Variants in KCNN3 observed in about 807,000 individuals in gnomAD.
The protein encoded by KCNN3 is potassium calcium-activated channel subfamily N member 3.
In KCNN3, 16 loss-of-function variants were observed where a neutral mutation model predicts 62.9. That is an observed-to-expected ratio of 0.25 (90% confidence interval 0.17 to 0.39). The LOEUF is 0.39. Among genes scored for constraint, KCNN3 ranks in the 10% least tolerant of loss-of-function variants. KCNN3 has a pLI of 1.00. For synonymous variants in KCNN3, 370 were observed against 389.2 expected, an observed-to-expected ratio of 0.95 and a Z score of 0.58; for missense variants, 599 against 949.4, an observed-to-expected ratio of 0.63 and a Z score of 4.85.
intron 7 of KCNN3, among the ~76,000 whole-genome samples, chr1:154,710,696 A>G (rs1700056071): frequency 1.3e-5 from 2 of 152,196 alleles, no homozygotes; most frequent in South Asian, 2.1e-4. Flanking sequence ...ATGAACAGAC[A>G]CTTCTCAAAA....
At chr1:154,714,193 G>GGT (rs1304833279) in intron 6 of KCNN3, among the ~76,000 whole-genome samples, 9 of 116,576 alleles carry the variant, frequency 7.7e-5, no homozygotes, top group East Asian at 2.7e-4. Flanking sequence ...GTGTGTGTGT[G>GGT]GTGTGTGTGT....
At chr1:154,745,906 C>T (rs1174366441) in intron 3 of KCNN3, among the ~76,000 whole-genome samples, 3 of 152,090 alleles carry the variant, frequency 2.0e-5, no homozygotes, top group African/African-American at 4.8e-5. Flanking sequence ...CTGGAGATGG[C>T]GTGGCAGAGA....
intron 3 of KCNN3, among the ~76,000 whole-genome samples, chr1:154,767,998 A>G (rs1244844521): frequency 6.6e-6 from 1 of 152,240 alleles, no homozygotes. Context: ...TGTGTATACA[A>G]CTAGAGATAA....
intron 4 of KCNN3, among the ~76,000 whole-genome samples, chr1:154,729,278 G>A (rs1700540612): frequency 6.6e-6 from 1 of 152,240 alleles, no homozygotes; most frequent in East Asian, 1.9e-4. Flanking sequence ...TGAACCACAG[G>A]GGACATCAAC....
chr1:154,867,706 C>T (rs1292571102), intron 1 of KCNN3, among the ~76,000 whole-genome samples: 2 of 150,288 alleles, frequency 1.3e-5, no homozygotes, highest in African/African-American at 2.5e-5. Flanking sequence ...ACCCGATGGC[C>T]AGCCCGCCCA....
In KCNN3 at chr1:154,774,030, C is replaced by T. The variant is rs568378264; in HGVS notation, c.1030-1637G>A. Among the ~76,000 whole-genome samples, 13 of 152,264 alleles carry T rather than the reference C, an allele frequency of 8.5e-5. No homozygotes were observed. The South Asian group carries it at 2.7e-3, about 32-fold the overall frequency. The stretch of plus-strand genomic sequence containing the variant: ...GGCTCCATGATCCTGGGCAAATTAC[C>T]GAACCACCCTGTGCCTCAGTTACCT... On this transcript the variant is annotated intron_variant, in intron 2 of 7. Coordinates refer to ENST00000271915, the MANE Select transcript of KCNN3 (RefSeq NM_002249.6).
chr1:154,714,267 T>G (rs1700160374), intron 6 of KCNN3, among the ~76,000 whole-genome samples: 1 of 117,948 alleles, frequency 8.5e-6, no homozygotes, highest in Non-Finnish European at 1.7e-5. Flanking sequence ...TGATGTGTGG[T>G]ATGTGGTGTG....
In KCNN3 at chr1:154,862,950, A is replaced by T. The variant is rs1652820132; in HGVS notation, c.933+6082T>A. ...CTAAACGGGCTTGGGTTCTTATCTC[A>T]GTGCCACCACCGCTGGCAGTGTCAG... On this transcript the variant is annotated intron_variant, in intron 1 of 7. Coordinates refer to ENST00000271915, the MANE Select transcript of KCNN3 (RefSeq NM_002249.6). This position sits in a 1 kb window ranked among gnomAD's most constrained non-coding sequence, Gnocchi z 4.1. Among the ~76,000 whole-genome samples, 1 of 152,136 alleles carries T rather than the reference A, an allele frequency of 6.6e-6. No individual in the cohort carries two copies. The highest frequency in any genetic ancestry group is 2.4e-5 in the African/African-American group (1 of 41,430).
At chr1:154,762,941 T>C (rs889490511) in intron 3 of KCNN3, among the ~76,000 whole-genome samples, 4 of 152,222 alleles carry the variant, frequency 2.6e-5, no homozygotes, top group East Asian at 1.9e-4. Context: ...TTCTCGTATA[T>C]TGGGTTCTAA....
At position 154,869,483 on chromosome 1, in the gene KCNN3, A is replaced by AG. The variant is rs1165458934; in HGVS notation, c.481dup (p.Leu161ProfsTer21). Reference sequence around the variant, plus strand: ...GGGGTTGCTGTCCCGCCGGTGCACCAGGGGGCTGGCCTGTCGGTGCCGGCT... The same window carrying AG: ...GGGGTTGCTGTCCCGCCGGTGCACCAGGGGGGCTGGCCTGTCGGTGCCGGCT... On this transcript the variant is annotated frameshift_variant, in exon 1 of 8. Transcript: ENST00000271915. LOFTEE classifies it high-confidence loss of function. This position sits in a 1 kb window ranked among gnomAD's most constrained non-coding sequence, Gnocchi z 6.1. 6.2e-7 allele frequency: 1 copy of AG among 1,613,950 alleles called. No homozygotes were observed. Among genetic ancestry groups the AG allele is most frequent in the Non-Finnish European group, 8.5e-7 (1 of 1,180,024 alleles).
intron 2 of KCNN3, among the ~76,000 whole-genome samples, chr1:154,798,478 A>G (rs990455003): frequency 1.3e-5 from 2 of 152,256 alleles, no homozygotes; most frequent in African/African-American, 2.4e-5. Flanking sequence ...GGTGGAGTTT[A>G]CACCCTAGGC....
At chr1:154,708,624 A>G (rs1263376407) in intron 7 of KCNN3, among the ~76,000 whole-genome samples, 3 of 152,070 alleles carry the variant, frequency 2.0e-5, no homozygotes, top group East Asian at 3.9e-4. Context: ...CTGGCATCTA[A>G]TGATTCCAGA....
chr1:154,710,005 T>G (rs1700043481), intron 7 of KCNN3, among the ~76,000 whole-genome samples: 1 of 152,182 alleles, frequency 6.6e-6, no homozygotes, highest in Non-Finnish European at 1.5e-5. Context: ...CCTTTATAGT[T>G]TACAAAGCAT....
Position 154,713,493 on chromosome 1 carries a change from G to T in KCNN3, c.1870C>A (p.Gln624Lys). The T allele has an allele frequency of 6.2e-7, 1 of 1,613,982 alleles. No individual in the cohort carries two copies. The highest frequency in any genetic ancestry group is 8.5e-7 in the Non-Finnish European group (1 of 1,179,910). Residue 624 changes from glutamine (Q) to lysine (K), a missense_variant, in exon 7 of 8, where the codon CAA becomes AAA. By Grantham distance (53) the Gln-to-Lys change is moderately conservative. Around this residue, in one of 7 missense-constraint regions of KCNN3, gnomAD observed 288 missense variants for 557.4 expected, o/e 0.52. Coordinates refer to ENST00000271915, the MANE Select transcript of KCNN3 (RefSeq NM_002249.6). ...VKMEQRKLSD[Q>K]ANTLVDLSKM... The stretch of plus-strand genomic sequence containing the variant: ...GAAAGGTCCACCAGAGTGTTGGCTT[G>T]GTCACTCAGCTTCCTCTGTTCCATC...
chr1:154,835,301 A>G (rs1651543319), intron 1 of KCNN3, among the ~76,000 whole-genome samples: 1 of 152,204 alleles, frequency 6.6e-6, no homozygotes, highest in South Asian at 2.1e-4. Context: ...AATCATTAAT[A>G]TAATAATCTC....
chr1:154,735,958 C>T (rs918791770), intron 3 of KCNN3, among the ~76,000 whole-genome samples: 2 of 152,218 alleles, frequency 1.3e-5, no homozygotes, highest in African/African-American at 4.8e-5. Flanking sequence ...AAATGTAATA[C>T]AGTCACAGCC....
rs185542626 is a variant in KCNN3 at position 154,772,492 on chromosome 1, C to T, written c.1030-99G>A. The T allele has an allele frequency of 2.5e-6, 3 of 1,221,716 alleles. No individual in the cohort carries two copies. The highest frequency in any genetic ancestry group is 1.5e-5 in the African/African-American group (1 of 67,514). 75.7% of individuals were successfully genotyped at this position (1,221,716 alleles called of 1,614,324 possible). On this transcript the variant is annotated intron_variant, in intron 2 of 7. Transcript: ENST00000271915. The surrounding 1 kb of genome is among the most constrained non-coding windows in gnomAD (Gnocchi z 5.6). ...GGGCAGGCTGGGGCAGGCTGCTGGG[C>T]TCAGGTCAGCCTGACCACCTCAGCA...
chr1:154,730,564 A>T (rs1293049241), intron 4 of KCNN3, among the ~76,000 whole-genome samples: 1 of 152,176 alleles, frequency 6.6e-6, no homozygotes, highest in Admixed American at 6.5e-5. Context: ...GAAAAATCAC[A>T]TTTGTTAGAA....
At chr1:154,790,062 C>T (rs1034373113) in intron 2 of KCNN3, among the ~76,000 whole-genome samples, 9 of 152,188 alleles carry the variant, frequency 5.9e-5, no homozygotes, top group African/African-American at 2.2e-4. Context: ...GCATGCACTA[C>T]AATGCCCAGC....
Sources: gnomAD v4.1 joint callset for allele counts (sites outside exome capture counted in the v4.1 genomes callset) on GRCh38, gnomAD v4.1.1 for gene constraint, gnomAD v4.1.1 regional missense constraint, Gnocchi (gnomAD v3.1) non-coding constraint, MANE v1.5 for transcripts, NCBI Gene and HGNC (gene_info 2026-07-23, HGNC 2026-07-21) for gene names.